The following LDB2 variants were observed in gnomAD, a reference collection of about 807,000 sequenced individuals.
LDB2 encodes LIM domain-binding protein 2.
In LDB2, 12 loss-of-function variants were observed where a neutral mutation model predicts 44.3. The ratio of observed to expected loss-of-function variants is 0.27; its 90% CI spans 0.17 to 0.44. The LOEUF (loss-of-function observed/expected upper bound fraction) is 0.44. LDB2 is among the 20% of genes least tolerant of loss of function. LDB2 has a pLI of 1.00. For synonymous variants in LDB2, 164 were observed against 174.8 expected, an observed-to-expected ratio of 0.94 and a Z score of 0.49; for missense variants, 344 against 473.5, an observed-to-expected ratio of 0.73 and a Z score of 2.54.
intron 5 of LDB2, among the ~76,000 whole-genome samples, chr4:16,513,836 C>A (rs1486152039): frequency 6.6e-6 from 1 of 152,180 alleles, no homozygotes; most frequent in Non-Finnish European, 1.5e-5. Flanking sequence ...AATGCCTCTT[C>A]CCCAAGGAAG....
At chr4:16,860,482 G>C (rs762307897) in intron 1 of LDB2, among the ~76,000 whole-genome samples, 2 of 152,084 alleles carry the variant, frequency 1.3e-5, no homozygotes, top group Non-Finnish European at 2.9e-5. Flanking sequence ...GATCAAACTT[G>C]AAGAAAATGA....
chr4:16,794,069 G>A (rs566022193), intron 1 of LDB2, among the ~76,000 whole-genome samples: 2 of 152,108 alleles, frequency 1.3e-5, no homozygotes, highest in Non-Finnish European at 2.9e-5. Context: ...CAGGGGAAGG[G>A]CCGTGCCCAA....
chr4:16,891,731 C>T (rs532700516), intron 1 of LDB2, among the ~76,000 whole-genome samples: 22 of 152,134 alleles, frequency 1.4e-4, no homozygotes, highest in Admixed American at 4.6e-4. Context: ...TTAAGTTAGG[C>T]AGTTGAGACA....
At chr4:16,608,003 C>T (rs536477791) in intron 2 of LDB2, among the ~76,000 whole-genome samples, 1 of 152,124 alleles carries the variant, frequency 6.6e-6, no homozygotes, top group South Asian at 2.1e-4. Flanking sequence ...ATTTTCATAT[C>T]TCAATGTTCT....
intron 2 of LDB2, among the ~76,000 whole-genome samples, chr4:16,703,736 G>T: frequency 6.6e-6 from 1 of 152,108 alleles, no homozygotes; most frequent in South Asian, 2.1e-4. Context: ...AGAAAGCCTA[G>T]CATTTAGTGT....
chr4:16,665,455 C>A (rs956445505), intron 2 of LDB2, among the ~76,000 whole-genome samples: 2 of 151,940 alleles, frequency 1.3e-5, no homozygotes, highest in South Asian at 2.1e-4. Flanking sequence ...TTATTAGAGA[C>A]GGGGTTTCAC....
Position 16,823,368 on chromosome 4 carries a change from C to A in LDB2, c.133-64108G>T, listed in dbSNP as rs531151080. Among the ~76,000 whole-genome samples, 4 of 152,308 alleles carry A rather than the reference C, an allele frequency of 2.6e-5. No homozygotes were observed. In the East Asian group the frequency reaches 7.7e-4, roughly 29 times the overall value. On this transcript the variant is annotated intron_variant, in intron 1 of 7. Coordinates refer to ENST00000304523, the MANE Select transcript of LDB2 (RefSeq NM_001290.5). The stretch of plus-strand genomic sequence containing the variant: ...AGTTTGTTTTGTTGGTTTTCTTGCT[C>A]AACATCTTCTTACCCATTTAACAAC...
At chr4:16,666,426 C>T (rs2152548569) in intron 2 of LDB2, among the ~76,000 whole-genome samples, 1 of 152,320 alleles carries the variant, frequency 6.6e-6, no homozygotes, top group African/African-American at 2.4e-5. Context: ...TGCAGCCTCA[C>T]AACGGTAGTG....
At chr4:16,550,347 C>G (rs954632560) in intron 5 of LDB2, among the ~76,000 whole-genome samples, 1 of 152,172 alleles carries the variant, frequency 6.6e-6, no homozygotes, top group African/African-American at 2.4e-5. Flanking sequence ...TCTGCCTTCT[C>G]AAGACCCTGG....
At chr4:16,872,008 G>C (rs1050716415) in intron 1 of LDB2, among the ~76,000 whole-genome samples, 2 of 152,044 alleles carry the variant, frequency 1.3e-5, no homozygotes, top group Non-Finnish European at 2.9e-5. Flanking sequence ...AAAGCATTTT[G>C]GGAGAATTAA....
At chr4:16,687,813 A>G (rs1308728687) in intron 2 of LDB2, among the ~76,000 whole-genome samples, 1 of 152,208 alleles carries the variant, frequency 6.6e-6, no homozygotes, top group Non-Finnish European at 1.5e-5. Flanking sequence ...ACTGTCTTGT[A>G]AATTCTCAGG....
At chr4:16,749,648 T>C (rs977972064) in intron 2 of LDB2, among the ~76,000 whole-genome samples, 1 of 151,318 alleles carries the variant, frequency 6.6e-6, no homozygotes, top group Non-Finnish European at 1.5e-5. Context: ...AATTTCTAGA[T>C]TGCTCTATAA....
At chr4:16,815,048 T>C (rs1258528163) in intron 1 of LDB2, among the ~76,000 whole-genome samples, 1 of 152,240 alleles carries the variant, frequency 6.6e-6, no homozygotes, top group Admixed American at 6.5e-5. Flanking sequence ...AATTTACTTA[T>C]TTGTTCACAT....
At chr4:16,554,238 T>C in intron 5 of LDB2, among the ~76,000 whole-genome samples, 1 of 151,982 alleles carries the variant, frequency 6.6e-6, no homozygotes, top group East Asian at 1.9e-4. Flanking sequence ...TTAGTAGAGA[T>C]GGGGTTTCTC....
At chr4:16,861,724 G>A (rs1351146493) in intron 1 of LDB2, among the ~76,000 whole-genome samples, 1 of 152,164 alleles carries the variant, frequency 6.6e-6, no homozygotes, top group Non-Finnish European at 1.5e-5. Flanking sequence ...CCACGAGTCA[G>A]CTAGGTCCTG....
chr4:16,797,667 C>A (rs1777001827), intron 1 of LDB2, among the ~76,000 whole-genome samples: 2 of 152,022 alleles, frequency 1.3e-5, no homozygotes, highest in South Asian at 4.2e-4. Context: ...ATTAGAGAGG[C>A]TCTGAGCTTC....
At chr4:16,515,951 C>T (rs1002236373) in intron 5 of LDB2, among the ~76,000 whole-genome samples, 1 of 152,112 alleles carries the variant, frequency 6.6e-6, no homozygotes, top group African/African-American at 2.4e-5. Flanking sequence ...GCAAGCTCTG[C>T]CTCCTGGGTT....
chr4:16,562,448 A>G (rs191269228), intron 5 of LDB2, among the ~76,000 whole-genome samples: 1,896 of 152,352 alleles, frequency 0.012, 43 homozygotes, highest in African/African-American at 0.043. Flanking sequence ...TTATCCAGCC[A>G]ACAGACACAT....
At chr4:16,699,275 G>A (rs1282046256) in intron 2 of LDB2, among the ~76,000 whole-genome samples, 5 of 152,200 alleles carry the variant, frequency 3.3e-5, no homozygotes, top group African/African-American at 4.8e-5. Context: ...GGAAATAAAA[G>A]ATTCTGCCAT....
Sources: allele counts gnomAD v4.1 joint callset (sites outside exome capture counted in the v4.1 genomes callset), GRCh38; gene constraint gnomAD v4.1.1; transcripts MANE v1.5; gene names NCBI Gene and HGNC (gene_info 2026-07-23, HGNC 2026-07-21).